Variants in MFSD1 observed in about 807,000 individuals in gnomAD.
MFSD1 encodes major facilitator superfamily domain containing 1.
In MFSD1, 59 loss-of-function variants were observed where a neutral mutation model predicts 67.1. The observed-to-expected ratio is 0.88, with a 90% confidence interval of 0.71 to 1.09. The LOEUF (loss-of-function observed/expected upper bound fraction) is 1.09. Among genes scored for constraint, MFSD1 ranks in the 50% least tolerant of loss-of-function variants. MFSD1 has a pLI of 0.00. For synonymous variants in MFSD1, 213 were observed against 200.3 expected, an observed-to-expected ratio of 1.06 and a Z score of -0.54; for missense variants, 552 against 566.1, an observed-to-expected ratio of 0.97 and a Z score of 0.25.
intron 2 of MFSD1, among the ~76,000 whole-genome samples, chr3:158,805,004 A>T (rs1047053695): frequency 2.6e-5 from 4 of 152,186 alleles, no homozygotes; most frequent in Admixed American, 6.5e-5. Context: ...ATAGGCTAAG[A>T]TTATCCTTGT....
At chr3:158,809,608 C>T (rs1729900003) in intron 6 of MFSD1, among the ~76,000 whole-genome samples, 1 of 152,126 alleles carries the variant, frequency 6.6e-6, no homozygotes. Flanking sequence ...ATACGGCTGT[C>T]CAGGTTCAGT....
At chr3:158,825,877 A>G (rs1325346606) in intron 13 of MFSD1, 138 bp from the exon 14 acceptor site, 3 of 688,594 alleles carry the variant, frequency 4.4e-6, no homozygotes, top group South Asian at 4.2e-5. Context: ...AAATAAAATA[A>G]TGGGAATAAT....
intron 7 of MFSD1, 101 bp downstream of exon 7, chr3:158,814,168 G>T (rs1383107113): frequency 1.1e-5 from 9 of 815,614 alleles, no homozygotes; most frequent in Non-Finnish European, 1.6e-5. Flanking sequence ...ATCTACTTTG[G>T]TTATAGTGTT....
intron 5 of MFSD1, among the ~76,000 whole-genome samples, chr3:158,808,103 CAGTG>C (rs1382064058): frequency 1.3e-5 from 2 of 152,118 alleles, no homozygotes; most frequent in African/African-American, 4.8e-5. Context: ...AAGTAACCGT[CAGTG>C]AGAGAGAAGG....
At chr3:158,823,601 T>C in intron 12 of MFSD1, 76 bp downstream of exon 12, 1 of 1,091,998 alleles carries the variant, frequency 9.2e-7, no homozygotes, top group Non-Finnish European at 1.4e-6. Context: ...ACTCCAGATC[T>C]GAATCTAGTC....
intron 6 of MFSD1, among the ~76,000 whole-genome samples, chr3:158,810,725 G>A (rs577843082): frequency 6.1e-4 from 93 of 152,250 alleles, no homozygotes; most frequent in African/African-American, 2.2e-3. Context: ...GGATATGAGA[G>A]GATCCCTTTT....
intron 15 of MFSD1, 86 bp downstream of exon 15, chr3:158,827,423 T>G (rs1731036607): frequency 1.6e-6 from 1 of 608,612 alleles, no homozygotes; most frequent in East Asian, 3.4e-5. Flanking sequence ...CTTTGAAGTT[T>G]TTTTTTTTTT....
chr3:158,819,840 C>G (rs986769762), intron 8 of MFSD1, 93 bp downstream of exon 8: 2 of 627,240 alleles, frequency 3.2e-6, no homozygotes, highest in Non-Finnish European at 5.5e-6. Flanking sequence ...TGTTGTAAAA[C>G]CAGGTGGAGC....
chr3:158,807,528 C>A, intron 5 of MFSD1, 65 bp downstream of exon 5: 1 of 1,320,250 alleles, frequency 7.6e-7, no homozygotes. Flanking sequence ...TATGAAAGAT[C>A]TTTAAAAAAC....
intron 3 of MFSD1, among the ~76,000 whole-genome samples, chr3:158,806,270 C>T (rs1379183044): frequency 1.3e-5 from 2 of 152,110 alleles, no homozygotes; most frequent in Non-Finnish European, 2.9e-5. Flanking sequence ...AGAGAATTAG[C>T]TTGAAACTTC....
intron 13 of MFSD1, chr3:158,825,154 A>G (rs1323523720): frequency 6.6e-6 from 1 of 152,064 alleles, no homozygotes; most frequent in Non-Finnish European, 1.5e-5. Flanking sequence ...CTGTTATTTT[A>G]TTTTATTATT....
intron 5 of MFSD1, 198 bp from the exon 6 acceptor site, chr3:158,808,981 C>T (rs564564745): frequency 8.8e-6 from 4 of 454,328 alleles, no homozygotes; most frequent in African/African-American, 8.0e-5. Flanking sequence ...TATAACTGAG[C>T]CTTGGGATCA....
At chr3:158,810,718 T>A (rs1729962545) in intron 6 of MFSD1, among the ~76,000 whole-genome samples, 1 of 152,226 alleles carries the variant, frequency 6.6e-6, no homozygotes, top group Admixed American at 6.5e-5. Flanking sequence ...ACCTGTGGGA[T>A]ATGAGAGGAT....
At position 158,813,959 on chromosome 3, in the gene MFSD1, A is replaced by G. The variant is rs776247353; in HGVS notation, c.550-6A>G. The G allele has an allele frequency of 1.9e-6, 3 of 1,591,378 alleles. No homozygotes were observed. Among genetic ancestry groups the G allele is most frequent in the Admixed American group, 3.4e-5 (2 of 58,560 alleles). On this transcript the variant is annotated splice_region_variant and splice_polypyrimidine_tract_variant and intron_variant, in intron 6 of 15. Transcript: ENST00000415822. ...TGCTGTTGTTTTTTTTTCCCTTCTCATTTAGGGAAGTACAGTAAACATGAA... is the reference window on the plus strand; with the variant it reads ...TGCTGTTGTTTTTTTTTCCCTTCTCGTTTAGGGAAGTACAGTAAACATGAA...
In MFSD1 at chr3:158,824,203, T is replaced by C; in HGVS notation, c.1255T>C (p.Phe419Leu). The C allele has an allele frequency of 6.2e-7, 1 of 1,612,860 alleles. No homozygotes were observed. Among genetic ancestry groups the C allele is most frequent in the East Asian group, 2.2e-5 (1 of 44,840 alleles). The stretch of plus-strand genomic sequence containing the variant: ...GATACTGGATTCTCGGGGGTATTTG[T>C]TTTTGGAAGTGTTCTTCATTGCCTG... ...GMILDSRGYLFLEVFFIACVS... is the reference protein window; with the variant it reads ...GMILDSRGYLLLEVFFIACVS... The change falls in exon 13 of 16, where the codon TTT becomes CTT. Residue 419 changes from phenylalanine to leucine, a missense_variant. Coordinates refer to ENST00000415822, the MANE Select transcript of MFSD1 (RefSeq NM_022736.4).
In MFSD1 at chr3:158,815,851, T is replaced by C. The variant is rs553589992; in HGVS notation, c.652+1784T>C. The stretch of plus-strand genomic sequence containing the variant: ...CCAGAGTGTGATGTTCCCCTTCCTG[T>C]GTCCAAGTGTTCTCATTGTTCAATT... On this transcript the variant is annotated intron_variant, in intron 7 of 15. Coordinates refer to ENST00000415822, the MANE Select transcript of MFSD1 (RefSeq NM_022736.4). Among the ~76,000 whole-genome samples the C allele has an allele frequency of 3.3e-5, 5 of 150,650 alleles. No homozygotes were observed. In the South Asian group the frequency reaches 1.1e-3, roughly 32 times the overall value.
At position 158,824,212 on chromosome 3, in the gene MFSD1, G is replaced by A; in HGVS notation, c.1264G>A (p.Val422Met). The A allele has an allele frequency of 6.2e-7, 1 of 1,611,790 alleles. No individual in the cohort carries two copies. Among genetic ancestry groups the A allele is most frequent in the Non-Finnish European group, 8.5e-7 (1 of 1,178,870 alleles). Residue 422 changes from valine to methionine, a missense_variant, in exon 13 of 16, where the codon GTG becomes ATG. Physicochemically the swap from Val to Met is conservative, Grantham distance 21. Transcript: ENST00000415822. ...LDSRGYLFLEVFFIACVSLSL... is the reference protein window; with the variant it reads ...LDSRGYLFLEMFFIACVSLSL... The stretch of plus-strand genomic sequence containing the variant: ...TTCTCGGGGGTATTTGTTTTTGGAA[G>A]TGTTCTTCATTGCCTGTGTTTCTTG...
chr3:158,805,296 T>G, intron 2 of MFSD1, 66 bp from the exon 3 acceptor site: 1 of 1,233,812 alleles, frequency 8.1e-7, no homozygotes, highest in Non-Finnish European at 1.2e-6. Context: ...GATTGTCATA[T>G]TTTGATTTGT....
At chr3:158,821,851 A>G in intron 10 of MFSD1, 133 bp from the exon 11 acceptor site, 1 of 1,101,814 alleles carries the variant, frequency 9.1e-7, no homozygotes, top group Middle Eastern at 2.9e-4. Context: ...TGCTTTTTAT[A>G]TTTTTTGATG....
Sources: allele counts gnomAD v4.1 joint callset (sites outside exome capture counted in the v4.1 genomes callset), GRCh38; gene constraint gnomAD v4.1.1; transcripts MANE v1.5; gene names NCBI Gene and HGNC (gene_info 2026-07-23, HGNC 2026-07-21).